The following HACD2 variants were observed in gnomAD, a reference collection of about 807,000 sequenced individuals.
HACD2 encodes the protein very-long-chain (3R)-3-hydroxyacyl-CoA dehydratase 2.
Under a neutral mutation model 31.0 loss-of-function variants are expected in HACD2, and 15 were observed. That is an observed-to-expected ratio of 0.48 (90% confidence interval 0.32 to 0.75). HACD2 has a LOEUF of 0.75. Ranked by LOEUF, HACD2 falls within the 30% of genes least tolerant of loss-of-function variation. The probability of loss-of-function intolerance (pLI) is 0.03; values close to 1 mark genes in which losing one functional copy is unlikely to be tolerated. For synonymous variants in HACD2, 115 were observed against 122.2 expected, an observed-to-expected ratio of 0.94 and a Z score of 0.39; for missense variants, 283 against 313.0, an observed-to-expected ratio of 0.90 and a Z score of 0.72.
intron 4 of HACD2, among the ~76,000 whole-genome samples, chr3:123,514,319 A>G (rs982406910): frequency 4.6e-5 from 7 of 152,110 alleles, no homozygotes; most frequent in Non-Finnish European, 8.8e-5. Flanking sequence ...AAACAAATGA[A>G]GTAAAATGCC....
At chr3:123,495,365 T>C (rs1267591592) in intron 6 of HACD2, among the ~76,000 whole-genome samples, 3 of 152,110 alleles carry the variant, frequency 2.0e-5, no homozygotes, top group African/African-American at 7.2e-5. Context: ...GAGGAAGAAT[T>C]TGAGCCCCAG....
rs528648278 is a variant in HACD2 at position 123,532,432 on chromosome 3, G to C, written c.293-3958C>G. Among the ~76,000 whole-genome samples, 45 of 152,236 alleles carry C rather than the reference G, an allele frequency of 3.0e-4. No individual in the cohort carries two copies. The East Asian group carries it at 7.4e-3, about 25-fold the overall frequency. ...TCAAAAGGCCAAGAGCTCTATCCCT[G>C]AATTTAAGCTAAAGAACAGATGGCC... is the stretch of plus-strand genomic sequence containing the variant. On this transcript the variant is annotated intron_variant, in intron 3 of 6. Transcript: ENST00000383657.
At chr3:123,506,246 G>C (rs1294479696) in intron 4 of HACD2, among the ~76,000 whole-genome samples, 1 of 152,220 alleles carries the variant, frequency 6.6e-6, no homozygotes, top group Non-Finnish European at 1.5e-5. Flanking sequence ...TGCTGAGCAT[G>C]TGAAACGTGA....
intron 6 of HACD2, among the ~76,000 whole-genome samples, chr3:123,500,156 T>G (rs981962963): frequency 6.6e-6 from 1 of 152,236 alleles, no homozygotes; most frequent in Non-Finnish European, 1.5e-5. Flanking sequence ...TTTCAAATAC[T>G]GTAACAAGCA....
At chr3:123,500,191 A>C (rs2055884654) in intron 6 of HACD2, among the ~76,000 whole-genome samples, 1 of 152,238 alleles carries the variant, frequency 6.6e-6, no homozygotes, top group African/African-American at 2.4e-5. Context: ...GAAAACTACA[A>C]TCAAGGTAAG....
In HACD2 at chr3:123,541,157, G is replaced by C. The variant is rs376591969; in HGVS notation, c.293-12683C>G. On this transcript the variant is annotated intron_variant, in intron 3 of 6. Transcript: ENST00000383657. ...GTGGTGGTACGCACCTGTAATCCTA[G>C]CTACTCAGGAGGCTGAGGCAGGAGA... Among the ~76,000 whole-genome samples the C allele has an allele frequency of 3.4e-4, 52 of 152,188 alleles. No individual in the cohort carries two copies. In the East Asian group the frequency reaches 8.7e-3, roughly 25 times the overall value.
intron 3 of HACD2, among the ~76,000 whole-genome samples, chr3:123,563,612 T>A (rs1053806245): frequency 2.6e-5 from 4 of 151,130 alleles, no homozygotes; most frequent in African/African-American, 9.7e-5. Flanking sequence ...ATGATACATT[T>A]CTTCTTTTTT....
intron 4 of HACD2, among the ~76,000 whole-genome samples, chr3:123,509,655 T>C (rs1251574528): frequency 3.9e-5 from 6 of 151,988 alleles, no homozygotes; most frequent in African/African-American, 7.2e-5. Context: ...CCTGCCACCA[T>C]GCCTGGCTAA....
intron 6 of HACD2, among the ~76,000 whole-genome samples, chr3:123,495,867 G>A (rs113728208): frequency 1.4e-3 from 212 of 152,250 alleles, no homozygotes; most frequent in African/African-American, 4.8e-3. Flanking sequence ...CTACTAAGAA[G>A]TATCCCACCC....
intron 2 of HACD2, among the ~76,000 whole-genome samples, chr3:123,580,738 A>T (rs564465314): frequency 1.3e-5 from 2 of 150,388 alleles, no homozygotes; most frequent in Non-Finnish European, 3.0e-5. Context: ...AGCCACGGCC[A>T]TGATGGCACC....
intron 2 of HACD2, among the ~76,000 whole-genome samples, chr3:123,572,937 T>C (rs901326118): frequency 6.6e-6 from 1 of 152,072 alleles, no homozygotes. Flanking sequence ...CTGGCTCAGT[T>C]ACGCACCCCT....
chr3:123,561,142 G>T (rs1444048717), intron 3 of HACD2, among the ~76,000 whole-genome samples: 1 of 152,168 alleles, frequency 6.6e-6, no homozygotes, highest in Non-Finnish European at 1.5e-5. Context: ...TAATTAGTGG[G>T]CTGGAAAGAT....
chr3:123,530,477 C>T (rs2056344659), intron 3 of HACD2, among the ~76,000 whole-genome samples: 1 of 150,282 alleles, frequency 6.7e-6, no homozygotes, highest in Non-Finnish European at 1.5e-5. Flanking sequence ...GGGGCGATCT[C>T]AGCTCACTGC....
chr3:123,579,836 A>G (rs1012001790), intron 2 of HACD2, among the ~76,000 whole-genome samples: 8 of 152,188 alleles, frequency 5.3e-5, no homozygotes, highest in Non-Finnish European at 1.0e-4. Flanking sequence ...CTCTAAGTTT[A>G]AAAAATGGTT....
At chr3:123,562,652 T>C (rs1969534) in intron 3 of HACD2, among the ~76,000 whole-genome samples, 55,475 of 151,986 alleles carry the variant, frequency 0.37, 11,225 homozygotes, top group African/African-American at 0.55. Flanking sequence ...TTCACAGCAA[T>C]CTGTGAGGTA....
intron 3 of HACD2, among the ~76,000 whole-genome samples, chr3:123,549,751 A>C (rs765061758): frequency 3.9e-5 from 6 of 152,094 alleles, no homozygotes; most frequent in Non-Finnish European, 5.9e-5. Flanking sequence ...CTGTCTCCAA[A>C]AACAACAACA....
At chr3:123,541,919 G>A (rs552016004) in intron 3 of HACD2, among the ~76,000 whole-genome samples, 2 of 151,790 alleles carry the variant, frequency 1.3e-5, no homozygotes, top group South Asian at 2.1e-4. Context: ...AGGCCGAGGC[G>A]GGCGGATCAC....
chr3:123,565,593 G>C (rs955367), intron 3 of HACD2, among the ~76,000 whole-genome samples: 1 of 152,106 alleles, frequency 6.6e-6, no homozygotes, highest in African/African-American at 2.4e-5. Context: ...ATAAATTTTT[G>C]TTATTTATAA....
At chr3:123,563,202 A>G (rs1321010944) in intron 3 of HACD2, among the ~76,000 whole-genome samples, 1 of 152,234 alleles carries the variant, frequency 6.6e-6, no homozygotes, top group Non-Finnish European at 1.5e-5. Flanking sequence ...TACATTGTGA[A>G]GGTATAATAC....
Sources: gnomAD v4.1 joint callset for allele counts (sites outside exome capture counted in the v4.1 genomes callset) on GRCh38, gnomAD v4.1.1 for gene constraint, MANE v1.5 for transcripts, NCBI Gene and HGNC (gene_info 2026-07-23, HGNC 2026-07-21) for gene names.